The following RXRA variants were observed in gnomAD, a reference collection of about 807,000 sequenced individuals.
The protein encoded by RXRA is retinoid X receptor alpha, also known as retinoic acid receptor RXR-alpha.
Under a neutral mutation model 44.5 loss-of-function variants are expected in RXRA, and 5 were observed. The observed-to-expected ratio is 0.11, with a 90% CI of 0.06 to 0.24. RXRA has a LOEUF of 0.24. Ranked by LOEUF, RXRA falls within the 10% of genes least tolerant of loss-of-function variation. The pLI is 1.00. For synonymous variants in RXRA, 291 were observed against 271.4 expected, an observed-to-expected ratio of 1.07 and a Z score of -0.71; for missense variants, 412 against 646.5, an observed-to-expected ratio of 0.64 and a Z score of 3.93.
At chr9:134,361,819 G>A (rs949622922) in intron 1 of RXRA, among the ~76,000 whole-genome samples, 1 of 152,218 alleles carries the variant, frequency 6.6e-6, no homozygotes, top group Admixed American at 6.5e-5. Flanking sequence ...CAGGGCCTGA[G>A]CACGGTGGGT....
intron 6 of RXRA, chr9:134,424,271 C>T: frequency 1.0e-6 from 1 of 985,374 alleles, no homozygotes; most frequent in Non-Finnish European, 1.2e-6. Context: ...CATGAGTCCC[C>T]AGGCCCTTCT....
chr9:134,338,650 C>T (rs1030246438), intron 1 of RXRA, among the ~76,000 whole-genome samples: 1 of 152,214 alleles, frequency 6.6e-6, no homozygotes, highest in Non-Finnish European at 1.5e-5. Context: ...GGCTGGCTGC[C>T]GGATCCCACG....
At chr9:134,340,279 A>G (rs1830070904) in intron 1 of RXRA, among the ~76,000 whole-genome samples, 1 of 151,942 alleles carries the variant, frequency 6.6e-6, no homozygotes, top group African/African-American at 2.4e-5. Flanking sequence ...AGGACAGGAG[A>G]ATGAGAAGCT....
In RXRA at chr9:134,401,770, C is replaced by G; in HGVS notation, c.167C>G (p.Ser56Cys). ...QLHSPISTLS[S>C]PINGMGPPFS... ...CATTCTCCCATCAGCACCCTGAGCT[C>G]CCCCATCAACGGCATGGGCCCGCCT... is the stretch of plus-strand genomic sequence containing the variant. The change falls in exon 2 of 10, where the codon TCC becomes TGC. Residue 56 changes from serine (S) to cysteine (C), a missense_variant. This residue lies in a region of RXRA where 156 missense variants were observed against 177.2 expected (regional missense o/e 0.88). Coordinates refer to ENST00000481739, the MANE Select transcript of RXRA (RefSeq NM_002957.6). 1 of 1,613,296 alleles carries G rather than the reference C, an allele frequency of 6.2e-7. No individual in the cohort carries two copies. Among genetic ancestry groups the G allele is most frequent in the Non-Finnish European group, 8.5e-7 (1 of 1,179,954 alleles).
At chr9:134,367,411 G>A (rs1240301339) in intron 1 of RXRA, among the ~76,000 whole-genome samples, 1 of 152,198 alleles carries the variant, frequency 6.6e-6, no homozygotes, top group Non-Finnish European at 1.5e-5. Flanking sequence ...GGAAGAGAAG[G>A]ACACTGAGTC....
chr9:134,338,091 C>T (rs888896780), intron 1 of RXRA, among the ~76,000 whole-genome samples: 2 of 152,166 alleles, frequency 1.3e-5, no homozygotes, highest in African/African-American at 2.4e-5. Flanking sequence ...CGACGTAGGG[C>T]TCAGGAAGGG....
At chr9:134,374,206 C>T (rs1373201787) in intron 1 of RXRA, 1 of 152,302 alleles carries the variant, frequency 6.6e-6, no homozygotes, top group African/African-American at 2.4e-5. Flanking sequence ...CAAGGCCCTA[C>T]CCAGCCGAGA....
chr9:134,436,443 C>G (rs775490204), intron 9 of RXRA, 24 bp from the exon 10 acceptor site: 1 of 1,612,300 alleles, frequency 6.2e-7, no homozygotes, highest in East Asian at 2.2e-5. Flanking sequence ...CTTGCCCGGC[C>G]CTCACCAGAC....
intron 1 of RXRA, among the ~76,000 whole-genome samples, chr9:134,356,497 A>T (rs1049186552): frequency 6.6e-6 from 1 of 152,076 alleles, no homozygotes; most frequent in African/African-American, 2.4e-5. Flanking sequence ...TTCGGGGTAT[A>T]TAGAGCAGCA....
At chr9:134,335,811 G>A (rs1451520293) in intron 1 of RXRA, among the ~76,000 whole-genome samples, 3 of 152,148 alleles carry the variant, frequency 2.0e-5, no homozygotes, top group Non-Finnish European at 2.9e-5. Flanking sequence ...TGGGAGGAAC[G>A]GCTGGGGCCC....
At chr9:134,364,603 C>T (rs973904899) in intron 1 of RXRA, among the ~76,000 whole-genome samples, 10 of 152,230 alleles carry the variant, frequency 6.6e-5, no homozygotes, top group African/African-American at 2.4e-4. Context: ...TTGGCCCCTG[C>T]AGACCCTCTG....
At chr9:134,329,810 C>T (rs1039604512) in intron 1 of RXRA, among the ~76,000 whole-genome samples, 3 of 151,638 alleles carry the variant, frequency 2.0e-5, no homozygotes, top group Non-Finnish European at 4.4e-5. Context: ...TGTGGGAGGT[C>T]GCTGTCAGTG....
At chr9:134,335,722 G>C (rs1554747198) in intron 1 of RXRA, among the ~76,000 whole-genome samples, 1 of 152,182 alleles carries the variant, frequency 6.6e-6, no homozygotes, top group African/African-American at 2.4e-5. Flanking sequence ...TTCCTGCCCA[G>C]GTCTGGAGTG....
intron 6 of RXRA, among the ~76,000 whole-genome samples, chr9:134,427,414 G>A (rs34769750): frequency 2.0e-4 from 31 of 152,340 alleles, no homozygotes; most frequent in African/African-American, 7.5e-4. Context: ...TCCCGAGTCT[G>A]TGACGGTATT....
intron 6 of RXRA, chr9:134,425,352 C>G (rs1254480237): frequency 5.1e-6 from 5 of 985,160 alleles, no homozygotes; most frequent in Non-Finnish European, 6.0e-6. Flanking sequence ...GGGTCACACC[C>G]TGACCCTTGT....
At chr9:134,413,674 C>T (rs1038406818) in intron 4 of RXRA, among the ~76,000 whole-genome samples, 3 of 152,224 alleles carry the variant, frequency 2.0e-5, no homozygotes, top group African/African-American at 7.2e-5. Flanking sequence ...TGCCCCTCGG[C>T]TCCGACATGC....
Position 134,434,281 on chromosome 9 carries a change from C to T in RXRA, c.1241+74C>T. 2.7e-6 allele frequency: 3 copies of T among 1,104,064 alleles called. No homozygotes were observed. The South Asian group carries it at 3.9e-5, about 14-fold the overall frequency. The allele number at this position is 1,104,064 out of a possible 1,614,324, so 68.4% of individuals were successfully genotyped here. ...CCAGAGCCCCCACCCCCTGCAAGGCCATTTTATGTGAATGAGAAGGTGGCA... is the reference window on the plus strand; with the variant it reads ...CCAGAGCCCCCACCCCCTGCAAGGCTATTTTATGTGAATGAGAAGGTGGCA... On this transcript the variant is annotated intron_variant, in intron 9 of 9. Transcript: ENST00000481739.
At chr9:134,356,293 C>T (rs1210988946) in intron 1 of RXRA, among the ~76,000 whole-genome samples, 2 of 152,132 alleles carry the variant, frequency 1.3e-5, no homozygotes, top group Non-Finnish European at 1.5e-5. Flanking sequence ...TAGGTCACCT[C>T]ATCAACCTCA....
chr9:134,395,572 C>T (rs1014472575), intron 1 of RXRA, among the ~76,000 whole-genome samples: 4 of 152,194 alleles, frequency 2.6e-5, no homozygotes, highest in African/African-American at 9.6e-5. Context: ...CCTCCTTTCT[C>T]CTCCAGAGTC....
Sources: gnomAD v4.1 joint callset for allele counts (sites outside exome capture counted in the v4.1 genomes callset) on GRCh38, gnomAD v4.1.1 for gene constraint, gnomAD v4.1.1 regional missense constraint, MANE v1.5 for transcripts, NCBI Gene and HGNC (gene_info 2026-07-23, HGNC 2026-07-21) for gene names.